SCIN: variants seen among roughly 807,000 people sequenced by gnomAD.
SCIN encodes adseverin.
A neutral mutation model predicts 91.8 loss-of-function variants in SCIN; 91 were observed. The ratio of observed to expected loss-of-function variants is 0.99; its 90% CI spans 0.84 to 1.18. The LOEUF (loss-of-function observed/expected upper bound fraction) is 1.18. Among genes scored for constraint, SCIN ranks in the 50% most tolerant of loss-of-function variants. The pLI, the probability that SCIN is intolerant of heterozygous loss-of-function variation, is 0.00. For missense variants in SCIN, 1,087 were observed against 863.9 expected (o/e 1.26, Z -3.24); for synonymous variants, 367 against 312.6 (o/e 1.17, Z -1.84).
chr7:12,658,428 A>C lies in SCIN; in HGVS notation c.*5713A>C, dbSNP rs1784207774. On this transcript the variant is annotated 3_prime_UTR_variant, in exon 16 of 16. Coordinates refer to ENST00000297029, the MANE Select transcript of SCIN (RefSeq NM_001112706.3). ...ACACCAAAGATGCTATGTAGGTGAA[A>C]ATCTCTCCTAATGCATTCCCTTTCC... is the stretch of plus-strand genomic sequence containing the variant. The C allele has an allele frequency of 6.6e-6, 1 of 152,152 alleles. No individual in the cohort carries two copies. The highest frequency in any genetic ancestry group is 6.5e-5 in the Admixed American group (1 of 15,272). The allele number at this position is 152,152 out of a possible 1,614,324, so 9.4% of individuals were successfully genotyped here.
chr7:12,628,799 T>C (rs1483830940), intron 8 of SCIN, among the ~76,000 whole-genome samples: 1 of 152,140 alleles, frequency 6.6e-6, no homozygotes, highest in East Asian at 1.9e-4. Flanking sequence ...ATCTTGCAGT[T>C]TTTTATTCCA....
intron 8 of SCIN, among the ~76,000 whole-genome samples, chr7:12,627,115 T>C (rs918723330): frequency 1.0e-4 from 14 of 135,074 alleles, no homozygotes; most frequent in African/African-American, 3.7e-4. Flanking sequence ...CACACACACA[T>C]AAATGTGTAT....
rs73048781 is a variant in SCIN at position 12,655,014 on chromosome 7, G to A, written c.*2299G>A. The A allele has an allele frequency of 0.083, 12,622 of 152,126 alleles. 645 individuals are homozygous for A. Among genetic ancestry groups the A allele is most frequent in the South Asian group, 0.13 (640 of 4,818 alleles). 9.4% of individuals were successfully genotyped at this position (152,126 alleles called of 1,614,324 possible). ...GATATACGGTTTTTCTTCAGTATCC[G>A]CGGGAGATTGGCTCGAGGAACCCCA... On this transcript the variant is annotated 3_prime_UTR_variant, in exon 16 of 16. Transcript: ENST00000297029.
At chr7:12,572,554 A>G (rs771927259) in intron 1 of SCIN, among the ~76,000 whole-genome samples, 3 of 152,214 alleles carry the variant, frequency 2.0e-5, no homozygotes, top group Non-Finnish European at 4.4e-5. Context: ...GACAGCAGTT[A>G]AGTTTGACTT....
intron 3 of SCIN, among the ~76,000 whole-genome samples, chr7:12,594,657 G>A (rs1782800332): frequency 6.6e-6 from 1 of 152,084 alleles, no homozygotes; most frequent in Non-Finnish European, 1.5e-5. Flanking sequence ...GTCTTGGGAG[G>A]GGTAGACTGA....
In SCIN at chr7:12,652,662, G is replaced by A; in HGVS notation, c.2095G>A (p.Glu699Lys). The A allele has an allele frequency of 6.2e-7, 1 of 1,610,448 alleles. No homozygotes were observed. The highest frequency in any genetic ancestry group is 2.2e-5 in the East Asian group (1 of 44,574). ...AATTGTCATCATAAAACAGGGCCAT[G>A]AGCCACCCACATTCACAGGCTGGTT... is the stretch of plus-strand genomic sequence containing the variant. Reference protein sequence around the residue: ...TPIVIIKQGHEPPTFTGWFLG... With the variant: ...TPIVIIKQGHKPPTFTGWFLG... The change falls in exon 16 of 16, where the codon GAG becomes AAG. Residue 699 changes from glutamate (E) to lysine (K), a missense_variant. Glu to Lys is a moderately conservative substitution (Grantham distance 56, BLOSUM62 1). Transcript: ENST00000297029.
At chr7:12,628,865 A>T (rs1001658424) in intron 8 of SCIN, among the ~76,000 whole-genome samples, 10 of 152,204 alleles carry the variant, frequency 6.6e-5, no homozygotes, top group African/African-American at 2.2e-4. Flanking sequence ...TTATTAATCA[A>T]TGGGCTCGGA....
chr7:12,592,635 G>A (rs1782749536), intron 3 of SCIN, among the ~76,000 whole-genome samples: 1 of 151,882 alleles, frequency 6.6e-6, no homozygotes, highest in African/African-American at 2.4e-5. Flanking sequence ...GGTGATAGAA[G>A]CTTTGACTTT....
intron 14 of SCIN, among the ~76,000 whole-genome samples, chr7:12,649,914 C>G (rs1784045407): frequency 6.6e-6 from 1 of 152,122 alleles, no homozygotes; most frequent in South Asian, 2.1e-4. Context: ...TTCAAAGTTT[C>G]TTTTGAAATT....
chr7:12,620,802 G>A (rs1466775281), intron 4 of SCIN, among the ~76,000 whole-genome samples: 1 of 152,092 alleles, frequency 6.6e-6, no homozygotes. Context: ...TCAGTTTGGA[G>A]TATTTAGATG....
chr7:12,651,898 T>C lies in SCIN; in HGVS notation c.2017T>C (p.Ser673Pro), dbSNP rs760497738. 52 of 1,601,146 alleles carry C rather than the reference T, an allele frequency of 3.2e-5. No individual in the cohort carries two copies. In the Admixed American group the frequency reaches 8.6e-4, roughly 27 times the overall value. The change falls in exon 15 of 16, where the codon TCT (serine) becomes CCT (proline). Residue 673 changes from serine to proline, a missense_variant. Physicochemically the swap from Ser to Pro is moderately conservative, Grantham distance 74. Coordinates refer to ENST00000297029, the MANE Select transcript of SCIN (RefSeq NM_001112706.3). This position sits in a 1 kb window ranked among gnomAD's most constrained non-coding sequence, Gnocchi z 5.9. ...NEVEKKESLK[S>P]AKMYLETDPS... ...AGTTGAGAAAAAAGAATCTCTGAAGTCTGGTAAGCTCAATCGATGGACCAT... is the reference window on the plus strand; with the variant it reads ...AGTTGAGAAAAAAGAATCTCTGAAGCCTGGTAAGCTCAATCGATGGACCAT...
intron 1 of SCIN, among the ~76,000 whole-genome samples, chr7:12,573,494 A>C (rs1468946209): frequency 6.6e-6 from 1 of 152,156 alleles, no homozygotes; most frequent in Non-Finnish European, 1.5e-5. Flanking sequence ...AGATTATTTT[A>C]TTGTATTAAC....
intron 4 of SCIN, among the ~76,000 whole-genome samples, chr7:12,619,849 C>G (rs927968239): frequency 1.3e-5 from 2 of 151,952 alleles, no homozygotes; most frequent in African/African-American, 4.8e-5. Context: ...TCACCATAGA[C>G]CTGTTTATTT....
Position 12,655,671 on chromosome 7 carries a change from C to G in SCIN, c.*2956C>G, listed in dbSNP as rs1041667058. The stretch of plus-strand genomic sequence containing the variant: ...TAATAGATGTATAAACTGGTCAAAA[C>G]TTTTTGATCCATAGCACAGTATTAC... On this transcript the variant is annotated 3_prime_UTR_variant, in exon 16 of 16. Coordinates refer to ENST00000297029, the MANE Select transcript of SCIN (RefSeq NM_001112706.3). The G allele has an allele frequency of 6.6e-6, 1 of 152,158 alleles. No individual in the cohort carries two copies. The highest frequency in any genetic ancestry group is 2.4e-5 in the African/African-American group (1 of 41,420). 9.4% of individuals were successfully genotyped at this position (152,158 alleles called of 1,614,324 possible). A position where few individuals can be genotyped will look rare whatever the true frequency, so the allele number is the denominator to read the frequency against.
At chr7:12,588,240 T>C (rs747549597) in intron 3 of SCIN, among the ~76,000 whole-genome samples, 11 of 152,174 alleles carry the variant, frequency 7.2e-5, no homozygotes, top group Non-Finnish European at 1.3e-4. Context: ...AAAGTAGGGA[T>C]GAATGGCATT....
intron 9 of SCIN, among the ~76,000 whole-genome samples, chr7:12,632,083 C>CATTTTATTTTATTTT (rs55811230): frequency 0.03 from 3,591 of 120,752 alleles, 146 homozygotes; most frequent in Admixed American, 0.067. Flanking sequence ...GATTGGTTTT[C>CATTTTATTTTATTTT]ATTTTATTTT....
chr7:12,655,972 A>C lies in SCIN; in HGVS notation c.*3257A>C, dbSNP rs915848900. On this transcript the variant is annotated 3_prime_UTR_variant, in exon 16 of 16. Transcript: ENST00000297029. ...AGAAATTCATACTCAACTCAGTCAAACAGAGGTCCTGCATTTACCTCTTGG... is the reference window on the plus strand; with the variant it reads ...AGAAATTCATACTCAACTCAGTCAACCAGAGGTCCTGCATTTACCTCTTGG... 2.6e-5 allele frequency: 4 copies of C among 152,138 alleles called. No individual in the cohort carries two copies. Among genetic ancestry groups the C allele is most frequent in the Admixed American group, 2.0e-4 (3 of 15,272 alleles). 9.4% of individuals were successfully genotyped at this position (152,138 alleles called of 1,614,324 possible). A position where few individuals can be genotyped will look rare whatever the true frequency, so the allele number is the denominator to read the frequency against.
chr7:12,573,118 C>T (rs1050253185), intron 1 of SCIN, among the ~76,000 whole-genome samples: 13 of 152,152 alleles, frequency 8.5e-5, no homozygotes, highest in African/African-American at 3.1e-4. Context: ...GATTGCCCAA[C>T]AGCTCTTCCT....
chr7:12,604,532 GGT>G lies in SCIN; in HGVS notation c.536_537del (p.Gly179ValfsTer7). On this transcript the variant is annotated frameshift_variant, in exon 4 of 16. Transcript: ENST00000297029. LOFTEE classifies it high-confidence loss of function. ...DLGTEIYQWC[G>X]SSCNKYERLK... ...CTTTTAGGAAATTTATCAGTGGTGT[GGT>G]TCCTCGTGCAACAAATATGAACGTC... is the stretch of plus-strand genomic sequence containing the variant. 1 of 1,551,634 alleles carries G rather than the reference GGT, an allele frequency of 6.4e-7. No individual in the cohort carries two copies. Among genetic ancestry groups the G allele is most frequent in the South Asian group, 1.2e-5 (1 of 84,040 alleles).
Sources: allele counts gnomAD v4.1 joint callset (sites outside exome capture counted in the v4.1 genomes callset), GRCh38; gene constraint gnomAD v4.1.1; non-coding constraint Gnocchi (gnomAD v3.1); transcripts MANE v1.5; gene names NCBI Gene and HGNC (gene_info 2026-07-23, HGNC 2026-07-21).